THSD4: variants seen among roughly 807,000 people sequenced by gnomAD.
THSD4 encodes the protein thrombospondin type-1 domain-containing protein 4.
Under a neutral mutation model 119.0 loss-of-function variants are expected in THSD4, and 69 were observed. The ratio of observed to expected loss-of-function variants is 0.58; its 90% CI spans 0.48 to 0.71. THSD4 has a LOEUF of 0.71. Ranked by LOEUF, THSD4 falls within the 30% of genes least tolerant of loss-of-function variation. THSD4 has a pLI of 0.00. For synonymous variants in THSD4, 524 were observed against 540.4 expected, an observed-to-expected ratio of 0.97 and a Z score of 0.42; for missense variants, 1,393 against 1,391.1, an observed-to-expected ratio of 1.00 and a Z score of -0.02.
chr15:71,490,126 C>A (rs138219255), intron 7 of THSD4, among the ~76,000 whole-genome samples: 11 of 152,168 alleles, frequency 7.2e-5, no homozygotes, highest in African/African-American at 2.7e-4. Flanking sequence ...TCAGGTGATT[C>A]TACTTTTAAA....
intron 8 of THSD4, among the ~76,000 whole-genome samples, chr15:71,679,488 C>T (rs1003031484): frequency 2.6e-5 from 4 of 152,222 alleles, no homozygotes; most frequent in Non-Finnish European, 5.9e-5. Context: ...GTTTAGCCCT[C>T]ATGCTGTGGT....
At chr15:71,559,438 G>C (rs2049076339) in intron 7 of THSD4, among the ~76,000 whole-genome samples, 1 of 151,996 alleles carries the variant, frequency 6.6e-6, no homozygotes, top group South Asian at 2.1e-4. Context: ...TTTTATAGTT[G>C]TCATTACAAC....
chr15:71,274,579 G>C (rs2044569409), intron 6 of THSD4, among the ~76,000 whole-genome samples: 1 of 152,092 alleles, frequency 6.6e-6, no homozygotes, highest in South Asian at 2.1e-4. Context: ...CACCACTGCT[G>C]CCAAGTAGGA....
At chr15:71,543,705 G>A (rs891170538) in intron 7 of THSD4, among the ~76,000 whole-genome samples, 1 of 152,180 alleles carries the variant, frequency 6.6e-6, no homozygotes, top group Non-Finnish European at 1.5e-5. Flanking sequence ...AGGTCAGGAG[G>A]GAGACCTGGC....
chr15:71,118,785 G>A (rs912467037), intron 1 of THSD4, among the ~76,000 whole-genome samples: 2 of 152,220 alleles, frequency 1.3e-5, no homozygotes, highest in African/African-American at 4.8e-5. Context: ...TATGCTGGAA[G>A]CCAACACATG....
intron 6 of THSD4, among the ~76,000 whole-genome samples, chr15:71,335,166 A>G (rs570602776): frequency 1.4e-4 from 21 of 152,328 alleles, no homozygotes; most frequent in African/African-American, 4.1e-4. Context: ...TGTTAATTAC[A>G]TGAGACAATA....
At chr15:71,099,291 G>A (rs1596199835) in intron 1 of THSD4, among the ~76,000 whole-genome samples, 2 of 152,182 alleles carry the variant, frequency 1.3e-5, no homozygotes, top group East Asian at 1.9e-4. Flanking sequence ...GAATCAATTA[G>A]TTGGTGGTGT....
intron 11 of THSD4, among the ~76,000 whole-genome samples, chr15:71,743,956 G>C (rs778440866): frequency 2.6e-5 from 4 of 152,214 alleles, no homozygotes; most frequent in Non-Finnish European, 5.9e-5. Context: ...GTAGAATAAA[G>C]TATAGTGTTC....
intron 6 of THSD4, among the ~76,000 whole-genome samples, chr15:71,289,957 A>T (rs984385018): frequency 6.6e-6 from 1 of 152,118 alleles, no homozygotes; most frequent in African/African-American, 2.4e-5. Context: ...ATCCAGAATG[A>T]GATGATGGTG....
chr15:71,201,389 G>A (rs1472066524), intron 3 of THSD4, among the ~76,000 whole-genome samples: 1 of 152,210 alleles, frequency 6.6e-6, no homozygotes, highest in African/African-American at 2.4e-5. Context: ...ATGTACTCAT[G>A]TAGTATTTTT....
rs758083152 is a variant in THSD4 at position 71,560,661 on chromosome 15, C to T, written c.1153-99869C>T. On this transcript the variant is annotated intron_variant, in intron 7 of 17. Coordinates refer to ENST00000261862, the MANE Select transcript of THSD4 (RefSeq NM_024817.3). Reference sequence around the variant, plus strand: ...GTTATAAATATAGTTGTATATAATACGTGTGCAATTTTCCATGTAATTGTA... The same window carrying T: ...GTTATAAATATAGTTGTATATAATATGTGTGCAATTTTCCATGTAATTGTA... Among the ~76,000 whole-genome samples, 11 of 152,206 alleles carry T rather than the reference C, an allele frequency of 7.2e-5. No individual in the cohort carries two copies. In the East Asian group the frequency reaches 1.2e-3, roughly 16 times the overall value.
At chr15:71,229,896 T>C (rs1248814049) in intron 4 of THSD4, among the ~76,000 whole-genome samples, 2 of 152,180 alleles carry the variant, frequency 1.3e-5, no homozygotes, top group African/African-American at 4.8e-5. Flanking sequence ...AGTGGGTACA[T>C]AGGCAGTGAT....
intron 6 of THSD4, among the ~76,000 whole-genome samples, chr15:71,395,914 G>GACACAC (rs58433075): frequency 0.023 from 3,082 of 133,332 alleles, 56 homozygotes; most frequent in Admixed American, 0.059. Context: ...TTTGAAGAGA[G>GACACAC]ACACACACAC....
chr15:71,525,213 A>G (rs1007791338), intron 7 of THSD4, among the ~76,000 whole-genome samples: 2 of 152,204 alleles, frequency 1.3e-5, no homozygotes, highest in African/African-American at 2.4e-5. Context: ...CTCAAGGGAT[A>G]GGTACCATCA....
chr15:71,523,022 T>C (rs902649440), intron 7 of THSD4, among the ~76,000 whole-genome samples: 8 of 152,298 alleles, frequency 5.3e-5, no homozygotes, highest in African/African-American at 1.9e-4. Context: ...ATCTGGCATG[T>C]TATGGGAACA....
At chr15:71,395,766 C>T (rs368461504) in intron 6 of THSD4, among the ~76,000 whole-genome samples, 2 of 152,070 alleles carry the variant, frequency 1.3e-5, no homozygotes, top group African/African-American at 2.4e-5. Flanking sequence ...AAAGATGGTG[C>T]GAGCTGGGGT....
intron 3 of THSD4, among the ~76,000 whole-genome samples, chr15:71,192,149 A>G (rs187301672): frequency 2.3e-4 from 35 of 151,810 alleles, no homozygotes; most frequent in African/African-American, 8.2e-4. Flanking sequence ...TGATTTGCCC[A>G]CCTCAGCCTC....
At chr15:71,237,133 G>C (rs929392679) in intron 4 of THSD4, among the ~76,000 whole-genome samples, 14 of 152,138 alleles carry the variant, frequency 9.2e-5, no homozygotes, top group African/African-American at 3.4e-4. Flanking sequence ...GGTTGAGTGG[G>C]TAAGCCAAGG....
At chr15:71,508,478 C>G (rs972687287) in intron 7 of THSD4, among the ~76,000 whole-genome samples, 2 of 152,172 alleles carry the variant, frequency 1.3e-5, no homozygotes, top group African/African-American at 4.8e-5. Flanking sequence ...TCCCAAATCC[C>G]CAGAGGCAAG....
Sources: gnomAD v4.1 joint callset for allele counts (sites outside exome capture counted in the v4.1 genomes callset) on GRCh38, gnomAD v4.1.1 for gene constraint, MANE v1.5 for transcripts, NCBI Gene and HGNC (gene_info 2026-07-23, HGNC 2026-07-21) for gene names.